Variants in NUP210L observed in about 807,000 individuals in gnomAD.
The protein encoded by NUP210L is nuclear pore membrane glycoprotein 210-like.
Under a neutral mutation model 208.5 loss-of-function variants are expected in NUP210L, and 74 were observed. The ratio of observed to expected loss-of-function variants is 0.35; its 90% confidence interval spans 0.29 to 0.43. The LOEUF is 0.43. NUP210L is among the 20% of genes least tolerant of loss of function. NUP210L has a pLI of 1.00. For missense variants in NUP210L, 1,843 were observed against 2,289.4 expected (o/e 0.81, Z 3.98); for synonymous variants, 780 against 816.9 (o/e 0.95, Z 0.77).
At position 154,058,557 on chromosome 1, in the gene NUP210L, T is replaced by C. The variant is rs781727894; in HGVS notation, c.2979+8A>G. The C allele has an allele frequency of 6.8e-6, 11 of 1,610,198 alleles. No homozygotes were observed. The highest frequency in any genetic ancestry group is 9.3e-6 in the Non-Finnish European group (11 of 1,178,900). ...CTTAATTTCTGAGATAAAACAAACA[T>C]GTCTCACCTTATCAATCAGATCAAG... On this transcript the variant is annotated splice_region_variant and intron_variant, in intron 21 of 39. Transcript: ENST00000368559.
chr1:154,089,876 T>C (rs1050123472), intron 15 of NUP210L, among the ~76,000 whole-genome samples: 1 of 151,938 alleles, frequency 6.6e-6, no homozygotes, highest in Non-Finnish European at 1.5e-5. Context: ...CACTTGAGCC[T>C]AGTTCAAGAC....
intron 6 of NUP210L, among the ~76,000 whole-genome samples, chr1:154,136,940 A>AAAAAAAT (rs1658579947): frequency 6.6e-6 from 1 of 150,466 alleles, no homozygotes; most frequent in Admixed American, 6.6e-5. Context: ...AAAAAAAAAA[A>AAAAAAAT]GCTCAATGTA....
At chr1:154,123,683 C>A (rs1343900494) in intron 10 of NUP210L, among the ~76,000 whole-genome samples, 1 of 151,206 alleles carries the variant, frequency 6.6e-6, no homozygotes, top group East Asian at 2.0e-4. Flanking sequence ...TTCGAGACCA[C>A]CCTGGCCAAC....
In NUP210L at chr1:154,104,219, G is replaced by GA. The variant is rs754556220; in HGVS notation, c.1621-10dup. ...AGTTTCAGGACATGTATCTGGAGGG[G>GA]AAAAATTCATCTTTCAAGAAAGTTA... On this transcript the variant is annotated splice_polypyrimidine_tract_variant and intron_variant, in intron 12 of 39. Coordinates refer to ENST00000368559, the Ensembl canonical transcript of NUP210L. 1.2e-6 allele frequency: 2 copies of GA among 1,609,156 alleles called. No homozygotes were observed. Among genetic ancestry groups the GA allele is most frequent in the Non-Finnish European group, 1.7e-6 (2 of 1,177,626 alleles).
chr1:154,124,227 G>A (rs563801710), intron 10 of NUP210L, among the ~76,000 whole-genome samples: 1 of 139,244 alleles, frequency 7.2e-6, no homozygotes, highest in Non-Finnish European at 1.6e-5. Flanking sequence ...AGAGCACAAC[G>A]GGGATGGTAA....
chr1:154,083,121 C>T (rs1053935464), intron 16 of NUP210L, among the ~76,000 whole-genome samples: 4 of 152,242 alleles, frequency 2.6e-5, no homozygotes, highest in South Asian at 2.1e-4. Flanking sequence ...GAAAAGCAAC[C>T]GAGCAGGTTG....
At chr1:154,132,762 G>T (rs1252454395) in intron 7 of NUP210L, among the ~76,000 whole-genome samples, 6 of 152,150 alleles carry the variant, frequency 3.9e-5, no homozygotes, top group Non-Finnish European at 5.9e-5. Context: ...AGGTATGATT[G>T]TATTTGTTGA....
In NUP210L at chr1:154,046,094, A is replaced by G. The variant is rs1653160133; in HGVS notation, c.3671T>C (p.Leu1224Ser). 1.9e-6 allele frequency: 3 copies of G among 1,614,082 alleles called. No individual in the cohort carries two copies. In the African/African-American group the frequency reaches 4.0e-5, roughly 22 times the overall value. Residue 1224 changes from leucine (L) to serine (S), a missense_variant, in exon 27 of 40, where the codon TTG (leucine) becomes TCG (serine). This residue lies in a region of NUP210L where 781 missense variants were observed against 973.8 expected (regional missense o/e 0.80). Transcript: ENST00000368559. ...CTCTGAATGCCTGGGCACTAGATCC[A>G]ATACATCCCTTTTGCTCATAGACCA... is the stretch of plus-strand genomic sequence containing the variant.
At chr1:154,009,996 G>A (rs1451225941) in exon 35 of NUP210L, 1 of 1,612,070 alleles carries the variant, frequency 6.2e-7, no homozygotes, top group Non-Finnish European at 8.5e-7. Context: ...AAATCTGAAT[G>A]GACCTGAAAG....
intron 17 of NUP210L, among the ~76,000 whole-genome samples, chr1:154,065,775 C>T (rs1654373297): frequency 6.6e-6 from 1 of 151,606 alleles, no homozygotes; most frequent in African/African-American, 2.4e-5. Flanking sequence ...TGCCTATAGT[C>T]CCAGCTACTC....
At chr1:154,029,897 A>G in exon 28 of NUP210L, 1 of 1,601,212 alleles carries the variant, frequency 6.2e-7, no homozygotes, top group South Asian at 1.1e-5. Context: ...GAAGCTTACC[A>G]GGATCTGTAC....
intron 20 of NUP210L, 21 bp downstream of exon 20, chr1:154,060,518 TG>T: frequency 6.7e-7 from 1 of 1,490,522 alleles, no homozygotes; most frequent in Non-Finnish European, 9.3e-7. Context: ...ACCATCAATC[TG>T]GGACTGTCTC....
intron 12 of NUP210L, among the ~76,000 whole-genome samples, chr1:154,114,914 C>T (rs989054897): frequency 2.2e-5 from 3 of 133,796 alleles, no homozygotes; most frequent in African/African-American, 7.5e-5. Flanking sequence ...ATTTTCTATC[C>T]ACCCCGCTGG....
intron 17 of NUP210L, 91 bp downstream of exon 17, chr1:154,070,182 C>G: frequency 9.5e-7 from 1 of 1,054,374 alleles, no homozygotes; most frequent in Non-Finnish European, 1.4e-6. Context: ...CACATGTACC[C>G]TAGAACTTAA....
chr1:154,073,176 C>G (rs1439141626), intron 16 of NUP210L, among the ~76,000 whole-genome samples: 4 of 152,176 alleles, frequency 2.6e-5, no homozygotes, highest in African/African-American at 9.7e-5. Flanking sequence ...AAAAAATGCT[C>G]AGCATCACTA....
intron 25 of NUP210L, among the ~76,000 whole-genome samples, chr1:154,047,754 C>G (rs1653264953): frequency 6.6e-6 from 1 of 152,062 alleles, no homozygotes; most frequent in Non-Finnish European, 1.5e-5. Flanking sequence ...GCTGTGAGCC[C>G]CCTGATTTCC....
In NUP210L at chr1:154,031,803, C is replaced by T. The variant is rs141791836; in HGVS notation, c.3697-1749G>A. Among the ~76,000 whole-genome samples, 83 of 151,784 alleles carry T rather than the reference C, an allele frequency of 5.5e-4. No individual in the cohort carries two copies. The Middle Eastern group carries it at 0.02, about 37-fold the overall frequency. ...GTGGCACAATCATGGCTCATTGCCACCTCAGTCACCAGGGCTCAAGTGTTT... is the reference window on the plus strand; with the variant it reads ...GTGGCACAATCATGGCTCATTGCCATCTCAGTCACCAGGGCTCAAGTGTTT... On this transcript the variant is annotated intron_variant, in intron 27 of 39. Transcript: ENST00000368559.
In NUP210L at chr1:154,146,884, C is replaced by T. The variant is rs551903625; in HGVS notation, c.341-3307G>A. 1.1e-3 allele frequency among the ~76,000 whole-genome samples: 160 copies of T among 152,200 alleles called. 1 individual carries two copies. Among genetic ancestry groups the T allele is most frequent in the African/African-American group, 3.8e-3 (156 of 41,512 alleles). ...TGTCACCGAGGCTGGAGAGCAGTGG[C>T]ACAATCATAGCTCACTGCAGCCTCG... On this transcript the variant is annotated intron_variant, in intron 2 of 39. Coordinates refer to ENST00000368559, the Ensembl canonical transcript of NUP210L.
intron 14 of NUP210L, among the ~76,000 whole-genome samples, chr1:154,098,002 C>T (rs953000315): frequency 6.6e-6 from 1 of 152,210 alleles, no homozygotes; most frequent in African/African-American, 2.4e-5. Context: ...GCCTGGATCT[C>T]ACACCTGCCA....
Sources: allele counts gnomAD v4.1 joint callset (sites outside exome capture counted in the v4.1 genomes callset), GRCh38; gene constraint gnomAD v4.1.1; regional missense constraint gnomAD v4.1.1; transcripts MANE v1.5; gene names NCBI Gene and HGNC (gene_info 2026-07-23, HGNC 2026-07-21).